BACH2: variants seen among roughly 807,000 people sequenced by gnomAD.
The protein encoded by BACH2 is transcription regulator protein BACH2.
In BACH2, 5 loss-of-function variants were observed where a neutral mutation model predicts 61.8. The ratio of observed to expected loss-of-function variants is 0.08; its 90% CI spans 0.04 to 0.17. BACH2 has a LOEUF of 0.17. Ranked by LOEUF, BACH2 falls within the 10% of genes least tolerant of loss-of-function variation. The pLI is 1.00. For synonymous variants in BACH2, 446 were observed against 440.1 expected, an observed-to-expected ratio of 1.01 and a Z score of -0.17; for missense variants, 824 against 1,091.1, an observed-to-expected ratio of 0.76 and a Z score of 3.45.
At chr6:90,195,857 C>T (rs537617138) in intron 4 of BACH2, among the ~76,000 whole-genome samples, 2 of 152,294 alleles carry the variant, frequency 1.3e-5, no homozygotes, top group African/African-American at 4.8e-5. Context: ...CCCCTTCCAG[C>T]TCCTCCACTA....
chr6:90,190,882 G>A (rs1768545671), intron 4 of BACH2, among the ~76,000 whole-genome samples: 1 of 152,208 alleles, frequency 6.6e-6, no homozygotes. Flanking sequence ...GTTCCAAACA[G>A]GGGATGTGGC....
intron 4 of BACH2, among the ~76,000 whole-genome samples, chr6:90,172,410 G>A (rs1767847848): frequency 2.0e-5 from 3 of 151,748 alleles, no homozygotes; most frequent in Non-Finnish European, 2.9e-5. Flanking sequence ...AACAGACAAT[G>A]TGGGAAAGGC....
Position 90,008,519 on chromosome 6 carries a change from G to A in BACH2, c.243+83C>T. On this transcript the variant is annotated intron_variant, in intron 6 of 8. Coordinates refer to ENST00000257749, the MANE Select transcript of BACH2 (RefSeq NM_021813.4). This position sits in a 1 kb window ranked among gnomAD's most constrained non-coding sequence, Gnocchi z 4.1. ...CTCCTGAGTGGGGACATGGCACCTA[G>A]TACATCTTCTAGCTCCTAGTCAGCC... The A allele has an allele frequency of 1.3e-6, 2 of 1,556,186 alleles. No homozygotes were observed. The highest frequency in any genetic ancestry group is 1.7e-6 in the Non-Finnish European group (2 of 1,143,232).
chr6:90,282,922 A>G (rs1189970471), intron 1 of BACH2, among the ~76,000 whole-genome samples: 1 of 152,238 alleles, frequency 6.6e-6, no homozygotes, highest in East Asian at 1.9e-4. Context: ...GAACTTGGTT[A>G]GGTAACAGCA....
At chr6:90,171,321 G>A (rs556363443) in intron 4 of BACH2, among the ~76,000 whole-genome samples, 8 of 152,000 alleles carry the variant, frequency 5.3e-5, no homozygotes, top group African/African-American at 1.7e-4. Context: ...GCCAAGCTAG[G>A]AGAATCGCTT....
At chr6:90,092,216 T>C (rs1782186580) in intron 4 of BACH2, among the ~76,000 whole-genome samples, 1 of 149,738 alleles carries the variant, frequency 6.7e-6, no homozygotes, top group Admixed American at 6.7e-5. Flanking sequence ...AAAATATACT[T>C]CGAAGCAACC....
At chr6:89,989,623 A>G (rs748224509) in intron 6 of BACH2, among the ~76,000 whole-genome samples, 1 of 152,146 alleles carries the variant, frequency 6.6e-6, no homozygotes. Context: ...AGGTGGGCTC[A>G]AGGCTCATCA....
At chr6:90,142,729 A>C (rs1301911839) in intron 4 of BACH2, among the ~76,000 whole-genome samples, 1 of 152,228 alleles carries the variant, frequency 6.6e-6, no homozygotes, top group Non-Finnish European at 1.5e-5. Context: ...TATAAAGTCT[A>C]CAGTGGTTAC....
chr6:90,033,224 G>A (rs1340972338), intron 5 of BACH2, among the ~76,000 whole-genome samples: 1 of 151,940 alleles, frequency 6.6e-6, no homozygotes, highest in Non-Finnish European at 1.5e-5. Flanking sequence ...GAGGGAGGGG[G>A]GAGGAATAGC....
At chr6:90,141,366 A>G (rs1784451938) in intron 4 of BACH2, among the ~76,000 whole-genome samples, 1 of 152,024 alleles carries the variant, frequency 6.6e-6, no homozygotes, top group Non-Finnish European at 1.5e-5. Context: ...TTTTCAGTAG[A>G]GACGGGGTTT....
At chr6:89,984,877 A>G (rs78445122) in intron 6 of BACH2, among the ~76,000 whole-genome samples, 2,563 of 152,332 alleles carry the variant, frequency 0.017, 71 homozygotes, top group African/African-American at 0.059. Flanking sequence ...TCTGCAATAC[A>G]TATTAAGATA....
intron 4 of BACH2, among the ~76,000 whole-genome samples, chr6:90,143,512 T>C (rs931784355): frequency 6.6e-6 from 1 of 152,278 alleles, no homozygotes; most frequent in South Asian, 2.1e-4. Flanking sequence ...AGGAGCAGTA[T>C]GAAAAAGGCC....
intron 4 of BACH2, among the ~76,000 whole-genome samples, chr6:90,197,550 G>A (rs1276424060): frequency 1.3e-5 from 2 of 152,192 alleles, no homozygotes; most frequent in Non-Finnish European, 2.9e-5. Context: ...GCATTCCTCT[G>A]CCTGATTCAT....
intron 5 of BACH2, among the ~76,000 whole-genome samples, chr6:90,047,657 T>A (rs1021180814): frequency 2.6e-5 from 4 of 152,280 alleles, no homozygotes; most frequent in South Asian, 2.1e-4. Context: ...GTATTTATAT[T>A]CTGAGGGTGA....
At chr6:90,193,038 T>C (rs1355281016) in intron 4 of BACH2, among the ~76,000 whole-genome samples, 3 of 152,230 alleles carry the variant, frequency 2.0e-5, no homozygotes, top group African/African-American at 7.2e-5. Context: ...AGCACGGGAC[T>C]ACATTTCCCA....
intron 4 of BACH2, among the ~76,000 whole-genome samples, chr6:90,194,714 C>A (rs1768696639): frequency 6.6e-6 from 1 of 152,176 alleles, no homozygotes; most frequent in Admixed American, 6.6e-5. Flanking sequence ...GCCGCAGAAG[C>A]CAAGGGCCTG....
At chr6:90,200,014 T>C (rs1048465014) in intron 4 of BACH2, among the ~76,000 whole-genome samples, 1 of 152,136 alleles carries the variant, frequency 6.6e-6, no homozygotes, top group African/African-American at 2.4e-5. Flanking sequence ...AGAGCTTTTG[T>C]TTATGTGAGT....
At chr6:90,192,203 A>G (rs895960457) in intron 4 of BACH2, among the ~76,000 whole-genome samples, 2 of 152,174 alleles carry the variant, frequency 1.3e-5, no homozygotes, top group Admixed American at 6.5e-5. Context: ...GACTGCAACT[A>G]CTTATCCTTT....
intron 3 of BACH2, among the ~76,000 whole-genome samples, chr6:90,246,848 T>C (rs1200184275): frequency 6.6e-6 from 1 of 152,092 alleles, no homozygotes; most frequent in Non-Finnish European, 1.5e-5. Flanking sequence ...TACATAGAAT[T>C]TGATAAGGAA....
Sources: allele counts gnomAD v4.1 joint callset (sites outside exome capture counted in the v4.1 genomes callset), GRCh38; gene constraint gnomAD v4.1.1; non-coding constraint Gnocchi (gnomAD v3.1); transcripts MANE v1.5; gene names NCBI Gene and HGNC (gene_info 2026-07-23, HGNC 2026-07-21).